VPS13C: variants seen among roughly 807,000 people sequenced by gnomAD.
The protein encoded by VPS13C is intermembrane lipid transfer protein VPS13C.
VPS13C carries 358 observed loss-of-function variants against 456.8 expected under a neutral mutation model. The observed-to-expected ratio is 0.78, with a 90% confidence interval of 0.72 to 0.86. The LOEUF (loss-of-function observed/expected upper bound fraction) is 0.86. VPS13C is among the 40% of genes least tolerant of loss of function. The pLI, the probability that VPS13C is intolerant of heterozygous loss-of-function variation, is 0.00. For synonymous variants in VPS13C, 1,578 were observed against 1,486.7 expected (o/e 1.06, Z -1.41); for missense variants, 4,818 against 4,385.4 (o/e 1.10, Z -2.79).
chr15:62,056,392 G>A (rs904552899), intron 1 of VPS13C, among the ~76,000 whole-genome samples: 2 of 152,256 alleles, frequency 1.3e-5, no homozygotes, highest in Non-Finnish European at 2.9e-5. Context: ...ATAGTGAGGT[G>A]TGACCAGAAG....
intron 81 of VPS13C, chr15:61,866,341 A>G: frequency 2.0e-6 from 2 of 983,802 alleles, no homozygotes; most frequent in Non-Finnish European, 2.4e-6. Flanking sequence ...AGACAAAATA[A>G]TTAAAAGTTT....
rs1344002294 is a variant in VPS13C, at chr15:61,987,292, T to C, written c.1579-2293A>G. On this transcript the variant is annotated intron_variant, in intron 18 of 84. Transcript: ENST00000644861. ...TATAATAATCAAGTGCATTAGTCCA[T>C]TCTCATGCTGCTAATAAAGACATAC... 2.6e-5 allele frequency among the ~76,000 whole-genome samples: 4 copies of C among 152,200 alleles called. No individual in the cohort carries two copies. The East Asian group carries it at 7.7e-4, about 29-fold the overall frequency.
At chr15:61,964,005 C>A in intron 31 of VPS13C, 54 bp from the exon 32 acceptor site, 1 of 1,179,560 alleles carries the variant, frequency 8.5e-7, no homozygotes, top group Non-Finnish European at 1.2e-6. Context: ...CATCTACATT[C>A]TTTTAAGGTT....
Position 62,060,286 on chromosome 15 carries a change from C to T in VPS13C, c.89G>A (p.Gly30Asp), listed in dbSNP as rs747511955. ...ENLNKSQLKLGIWGGNVALDN... is the reference protein window; with the variant it reads ...ENLNKSQLKLDIWGGNVALDN... ...GCCCTCTCGCTTACCGCCCCAGATG[C>T]CCAGCTTCAGCTGGGACTTGTTCAG... is the stretch of plus-strand genomic sequence containing the variant. Residue 30 changes from glycine (G) to aspartate (D), a missense_variant, in exon 1 of 85, where the codon GGC (glycine) becomes GAC (aspartate). Physicochemically the swap from Gly to Asp is moderately conservative, Grantham distance 94. This residue lies in a region of VPS13C where 4,552 missense variants were observed against 4,130.6 expected (regional missense o/e 1.10). Transcript: ENST00000644861. 2.5e-6 allele frequency: 4 copies of T among 1,605,440 alleles called. No homozygotes were observed. Among genetic ancestry groups the T allele is most frequent in the Non-Finnish European group, 2.5e-6 (3 of 1,176,612 alleles).
intron 15 of VPS13C, among the ~76,000 whole-genome samples, chr15:62,002,586 T>C (rs1007586725): frequency 1.3e-5 from 2 of 152,224 alleles, no homozygotes; most frequent in African/African-American, 4.8e-5. Flanking sequence ...AGACATGAAG[T>C]CCTTGTCCAT....
At chr15:62,000,364 C>CA (rs35470615) in intron 16 of VPS13C, among the ~76,000 whole-genome samples, 200 bp downstream of exon 16, 4 of 150,324 alleles carry the variant, frequency 2.7e-5, no homozygotes, top group South Asian at 2.1e-4. Context: ...GACTCCATCT[C>CA]AAAAAAAAAT....
chr15:62,023,319 A>T lies in VPS13C; in HGVS notation c.624+92T>A, dbSNP rs2047526687. 8 of 753,002 alleles carry T rather than the reference A, an allele frequency of 1.1e-5. No homozygotes were observed. The South Asian group carries it at 1.8e-4, about 17-fold the overall frequency. The allele number at this position is 753,002 out of a possible 1,614,324, so 46.6% of individuals were successfully genotyped here. On this transcript the variant is annotated intron_variant, in intron 8 of 84. Transcript: ENST00000644861. ...TAAGAAAAAAATTAATCTCGGATTT[A>T]AAAATGGGCACAGATAATCCACATA... is the stretch of plus-strand genomic sequence containing the variant.
chr15:62,037,253 T>TTA (rs1178874778), intron 3 of VPS13C, among the ~76,000 whole-genome samples: 545 of 21,750 alleles, frequency 0.025, 17 homozygotes, highest in Admixed American at 0.086. Context: ...TATAATATAT[T>TTA]TATATATATT....
chr15:62,053,398 A>C (rs1223840902), intron 1 of VPS13C, among the ~76,000 whole-genome samples: 2 of 152,222 alleles, frequency 1.3e-5, no homozygotes, highest in African/African-American at 4.8e-5. Context: ...GGACCCACAA[A>C]TATCAGCATG....
chr15:62,056,492 C>T (rs1038853602), intron 1 of VPS13C, among the ~76,000 whole-genome samples: 9 of 152,168 alleles, frequency 5.9e-5, no homozygotes, highest in African/African-American at 1.7e-4. Flanking sequence ...GGAAGACGCC[C>T]GTTGCCGAGC....
rs2047062977 is a variant in VPS13C at position 62,012,141 on chromosome 15, A to T, written c.849T>A (p.Leu283=). The T allele has an allele frequency of 1.9e-6, 3 of 1,548,138 alleles. No homozygotes were observed. The African/African-American group carries it at 4.1e-5, about 21-fold the overall frequency. ...QILDQLKNEI[L]TSGNIPPNYQ... is the part of the protein sequence containing the mutation. ...AATTTGGGGGTATATTTCCACTTGT[A>T]AGAATTTCATTTTTCAGCTGATCCT... is the stretch of plus-strand genomic sequence containing the variant. The change falls in exon 12 of 85, where the codon CTT becomes CTA. Residue 283 remains leucine, a synonymous_variant. Coordinates refer to ENST00000644861, the MANE Select transcript of VPS13C (RefSeq NM_020821.3).
At chr15:61,912,618 G>A (rs565131415) in intron 62 of VPS13C, among the ~76,000 whole-genome samples, 1 of 149,104 alleles carries the variant, frequency 6.7e-6, no homozygotes, top group South Asian at 2.1e-4. Context: ...TTCAAATTTC[G>A]GTACACTTTA....
chr15:61,924,155 C>G (rs913413987), intron 53 of VPS13C, among the ~76,000 whole-genome samples: 3 of 152,168 alleles, frequency 2.0e-5, no homozygotes, highest in African/African-American at 7.2e-5. Flanking sequence ...CGTGAGGCCA[C>G]CGCGCCCGGC....
At chr15:61,966,585 C>T (rs1206731488) in intron 29 of VPS13C, among the ~76,000 whole-genome samples, 1 of 151,836 alleles carries the variant, frequency 6.6e-6, no homozygotes, top group Non-Finnish European at 1.5e-5. Context: ...AAATCTGTCT[C>T]CCATCATAAC....
At chr15:61,908,540 CCTT>C (rs1212305566) in intron 65 of VPS13C, among the ~76,000 whole-genome samples, 1 of 152,014 alleles carries the variant, frequency 6.6e-6, no homozygotes, top group African/African-American at 2.4e-5. Context: ...TCTCATTTAA[CCTT>C]CTACTATCCC....
At position 62,007,369 on chromosome 15, in the gene VPS13C, A is replaced by G. The variant is rs1164694114; in HGVS notation, c.1229T>C (p.Ile410Thr). Residue 410 changes from isoleucine (I) to threonine (T), a missense_variant, in exon 15 of 85, where the codon ATT (isoleucine) becomes ACT (threonine). Around this residue, in one of 3 missense-constraint regions of VPS13C, gnomAD observed 4,552 missense variants for 4,130.6 expected, o/e 1.10. Coordinates refer to ENST00000644861, the MANE Select transcript of VPS13C (RefSeq NM_020821.3). Reference sequence around the variant, plus strand: ...CTGTGTTAACTTGTTTTTGTAGGCAATTTTATAACTCTTGAGTAACTGCCT... The same window carrying G: ...CTGTGTTAACTTGTTTTTGTAGGCAGTTTTATAACTCTTGAGTAACTGCCT... ...KHRQLLKSYK[I>T]AYKNKLTQSK... The G allele has an allele frequency of 1.2e-6, 2 of 1,612,770 alleles. No homozygotes were observed. Among genetic ancestry groups the G allele is most frequent in the South Asian group, 2.2e-5 (2 of 90,784 alleles).
In VPS13C at chr15:61,941,952, A is replaced by G. The variant is rs1309925518; in HGVS notation, c.5264T>C (p.Leu1755Ser). The part of the protein sequence containing the change: ...KDLAQKSFRL[L>S]MDINLKAPVI... ...TGGTGCTTTCAAATTAATATCCATC[A>G]AAAGGCGGAAACTCTTTTGAGCCAA... The change falls in exon 46 of 85, where the codon TTG (leucine) becomes TCG (serine). Residue 1755 changes from leucine (L) to serine (S), a missense_variant. Leu to Ser is a moderately radical substitution (Grantham distance 145). Coordinates refer to ENST00000644861, the MANE Select transcript of VPS13C (RefSeq NM_020821.3). 1.9e-6 allele frequency: 3 copies of G among 1,613,898 alleles called. No individual in the cohort carries two copies. Among genetic ancestry groups the G allele is most frequent in the Non-Finnish European group, 2.5e-6 (3 of 1,179,934 alleles).
chr15:61,978,873 T>G, intron 22 of VPS13C, 124 bp from the exon 23 acceptor site: 1 of 803,522 alleles, frequency 1.2e-6, no homozygotes, highest in Non-Finnish European at 1.8e-6. Context: ...AAAATACTGC[T>G]CTTAATGAAT....
chr15:62,029,234 G>C (rs1334516220), intron 5 of VPS13C, among the ~76,000 whole-genome samples: 1 of 152,060 alleles, frequency 6.6e-6, no homozygotes, highest in Non-Finnish European at 1.5e-5. Flanking sequence ...CTATTAATGG[G>C]TTAATTCATA....
Sources: allele counts gnomAD v4.1 joint callset (sites outside exome capture counted in the v4.1 genomes callset), GRCh38; gene constraint gnomAD v4.1.1; regional missense constraint gnomAD v4.1.1; transcripts MANE v1.5; gene names NCBI Gene and HGNC (gene_info 2026-07-23, HGNC 2026-07-21).